PAH: variants seen among roughly 807,000 people sequenced by gnomAD.
The protein encoded by PAH is phenylalanine hydroxylase, also known as phenylalanine-4-hydroxylase.
In PAH, 64 loss-of-function variants were observed where a neutral mutation model predicts 62.0. The observed-to-expected ratio is 1.03, with a 90% CI of 0.84 to 1.27. The LOEUF (loss-of-function observed/expected upper bound fraction) is 1.27, where lower values mean the gene tolerates loss of function less well. Among genes scored for constraint, PAH ranks in the 50% most tolerant of loss-of-function variants. The pLI is 0.00. For missense variants in PAH, 579 were observed against 542.8 expected, an observed-to-expected ratio of 1.07 and a Z score of -0.66; for synonymous variants, 195 against 196.2, an observed-to-expected ratio of 0.99 and a Z score of 0.05.
rs3062641 is a variant in PAH, at chr12:102,908,837, CTTTTTTTTT to C, written c.168+3945_168+3953del. Among the ~76,000 whole-genome samples, 4 of 120,004 alleles carry C rather than the reference CTTTTTTTTT, an allele frequency of 3.3e-5. No individual in the cohort carries two copies. The East Asian group carries it at 6.9e-4, about 21-fold the overall frequency. The allele number at this position is 120,004 out of a possible 152,430, so 78.7% of individuals were successfully genotyped here. On this transcript the variant is annotated intron_variant, in intron 2 of 12. Coordinates refer to ENST00000553106, the MANE Select transcript of PAH (RefSeq NM_000277.3). ...CACGTTACATTTAGTCCTCATGTCT[CTTTTTTTTT>C]TTTTTTTTTTTTGAGACAGAGTTTC...
chr12:102,956,544 C>T (rs1390095682), intron 1 of PAH, among the ~76,000 whole-genome samples: 1 of 152,100 alleles, frequency 6.6e-6, no homozygotes, highest in Non-Finnish European at 1.5e-5. Context: ...GTGGCTGCGC[C>T]AAGGCCGCCG....
intron 4 of PAH, among the ~76,000 whole-genome samples, chr12:102,870,561 A>C (rs368926605): frequency 6.6e-6 from 1 of 152,248 alleles, no homozygotes; most frequent in Non-Finnish European, 1.5e-5. Context: ...AGTCTGGCTC[A>C]GAATATAAAA....
At chr12:102,871,839 T>A (rs1235375529) in intron 4 of PAH, among the ~76,000 whole-genome samples, 1 of 150,856 alleles carries the variant, frequency 6.6e-6, no homozygotes, top group Non-Finnish European at 1.5e-5. Context: ...GGAGAACTGC[T>A]TGAACCTGGG....
At chr12:102,927,045 A>C (rs1475491902) in intron 1 of PAH, among the ~76,000 whole-genome samples, 1 of 147,982 alleles carries the variant, frequency 6.8e-6, no homozygotes, top group African/African-American at 2.5e-5. Flanking sequence ...ACTGGATTGA[A>C]GTCTGATGGC....
chr12:102,884,813 AG>A lies in PAH; in HGVS notation c.353-7264del, dbSNP rs1372464281. On this transcript the variant is annotated intron_variant, in intron 3 of 12. Coordinates refer to ENST00000553106, the MANE Select transcript of PAH (RefSeq NM_000277.3). The stretch of plus-strand genomic sequence containing the variant: ...GGTAGGACTACCCTTTTTCCTCTAA[AG>A]TTACATTTTCTTGAGCGCTTATTAT... Among the ~76,000 whole-genome samples, 23 of 152,232 alleles carry A rather than the reference AG, an allele frequency of 1.5e-4. No homozygotes were observed. The East Asian group carries it at 4.4e-3, about 29-fold the overall frequency.
At chr12:102,953,226 A>T (rs1238911744), upstream of PAH, 4 of 152,190 alleles carry the variant, frequency 2.6e-5, no homozygotes, top group East Asian at 7.7e-4. Context: ...CCTGTAACAA[A>T]ATCCAGAATC....
At chr12:102,868,206 C>A (rs867823972) in intron 4 of PAH, among the ~76,000 whole-genome samples, 12 of 119,202 alleles carry the variant, frequency 1.0e-4, no homozygotes, top group Middle Eastern at 5.0e-3. Flanking sequence ...ATATATATAT[C>A]AGGGCCTACC....
chr12:102,895,664 T>C (rs1027868069), intron 2 of PAH, among the ~76,000 whole-genome samples: 8 of 151,820 alleles, frequency 5.3e-5, no homozygotes, highest in Non-Finnish European at 1.0e-4. Flanking sequence ...CTGGCCAACA[T>C]GGTGAAACCC....
At chr12:102,851,548 C>T (rs558680349) in intron 8 of PAH, 139 bp downstream of exon 8, 8 of 727,028 alleles carry the variant, frequency 1.1e-5, no homozygotes, top group Non-Finnish European at 1.5e-5. Context: ...GAACCACACA[C>T]CCATTTCAGG....
rs528192478 is a variant in PAH at position 102,857,254 on chromosome 12, G to A, written c.510-1922C>T. 2.8e-3 allele frequency among the ~76,000 whole-genome samples: 419 copies of A among 152,270 alleles called. 3 individuals are homozygous for A. The highest frequency in any genetic ancestry group is 8.4e-3 in the African/African-American group (348 of 41,558). On this transcript the variant is annotated intron_variant, in intron 5 of 12. Coordinates refer to ENST00000553106, the MANE Select transcript of PAH (RefSeq NM_000277.3). ...TGATTGAAGATCAAATGAATGAAAT[G>A]AAGTGAGAAGTTTAGAGAAAAAAGA...
At chr12:102,903,823 A>G (rs965168451) in intron 2 of PAH, among the ~76,000 whole-genome samples, 4 of 152,146 alleles carry the variant, frequency 2.6e-5, no homozygotes, top group Admixed American at 6.5e-5. Flanking sequence ...AGCTCTGTAC[A>G]TCTGCTTGTT....
chr12:102,938,664 G>T (rs116627280), intron 1 of PAH, among the ~76,000 whole-genome samples: 1 of 152,198 alleles, frequency 6.6e-6, no homozygotes, highest in Non-Finnish European at 1.5e-5. Context: ...AGAGGTAAAT[G>T]ACAGACCCTT....
intron 3 of PAH, among the ~76,000 whole-genome samples, chr12:102,889,569 T>TAGAC (rs1877194407): frequency 6.6e-6 from 1 of 152,266 alleles, no homozygotes; most frequent in African/African-American, 2.4e-5. Context: ...GATAGATAGA[T>TAGAC]AGACAGGCAG....
chr12:102,890,438 T>A (rs1877229537), intron 3 of PAH, among the ~76,000 whole-genome samples: 1 of 152,182 alleles, frequency 6.6e-6, no homozygotes, highest in Admixed American at 6.5e-5. Flanking sequence ...CAGACCCCAC[T>A]TCACGGAAAC....
chr12:102,917,048 C>A, intron 1 of PAH, 23 bp downstream of exon 1: 1 of 1,612,666 alleles, frequency 6.2e-7, no homozygotes, highest in Non-Finnish European at 8.5e-7. Context: ...CCTAACTGAG[C>A]AGCTCAGGCT....
chr12:102,873,355 A>T (rs1876436041), intron 4 of PAH, among the ~76,000 whole-genome samples: 1 of 152,188 alleles, frequency 6.6e-6, no homozygotes, highest in South Asian at 2.1e-4. Context: ...CTCTTCTCCC[A>T]TCCACTGGCA....
At chr12:102,859,590 C>A (rs967431956) in intron 5 of PAH, among the ~76,000 whole-genome samples, 1 of 152,208 alleles carries the variant, frequency 6.6e-6, no homozygotes, top group Non-Finnish European at 1.5e-5. Context: ...TACTGGCAAA[C>A]CGAATCCAGC....
intron 2 of PAH, among the ~76,000 whole-genome samples, chr12:102,895,854 CAAA>C (rs780516168): frequency 0.01 from 1,052 of 104,962 alleles, 12 homozygotes; most frequent in South Asian, 0.039. Flanking sequence ...GACTCTGTCT[CAAA>C]AAAAAAAAAA....
chr12:102,955,932 C>A (rs1027445479), intron 1 of PAH, among the ~76,000 whole-genome samples: 6 of 152,110 alleles, frequency 3.9e-5, no homozygotes, highest in African/African-American at 1.4e-4. Flanking sequence ...TGAAGCCTAC[C>A]TATTCTGCAA....
Sources: allele counts gnomAD v4.1 joint callset (sites outside exome capture counted in the v4.1 genomes callset), GRCh38; gene constraint gnomAD v4.1.1; transcripts MANE v1.5; gene names NCBI Gene and HGNC (gene_info 2026-07-23, HGNC 2026-07-21).